Variants in PTPRT observed in about 807,000 individuals in gnomAD.
PTPRT encodes protein tyrosine phosphatase receptor type T.
In PTPRT, 56 loss-of-function variants were observed where a neutral mutation model predicts 176.8. The ratio of observed to expected loss-of-function variants is 0.32; its 90% CI spans 0.26 to 0.40. PTPRT has a LOEUF of 0.40. PTPRT is among the 10% of genes least tolerant of loss of function. PTPRT has a pLI of 1.00. For missense variants in PTPRT, 1,540 were observed against 1,908.2 expected (o/e 0.81, Z 3.60); for synonymous variants, 783 against 739.0 (o/e 1.06, Z -0.96).
rs1207046982 is a variant in PTPRT, at chr20:42,617,465, G to T, written c.1153+60401C>A. Among the ~76,000 whole-genome samples the T allele has an allele frequency of 1.1e-4, 15 of 132,810 alleles. 5 individuals carry two copies. The highest frequency in any genetic ancestry group is 5.2e-4 in the African/African-American group (15 of 28,734). The allele number at this position is 132,810 out of a possible 152,430, so 87.1% of individuals were successfully genotyped here. A position where few individuals can be genotyped will look rare whatever the true frequency, so the allele number is the denominator to read the frequency against. ...GATGCTGGCCTCATAAAATGAGTTA[G>T]GGAGGATTCCCTCTTTTTCTGTTGA... On this transcript the variant is annotated intron_variant, in intron 7 of 30. Coordinates refer to ENST00000373187, the MANE Select transcript of PTPRT (RefSeq NM_007050.6).
chr20:42,511,857 C>G (rs1184116763), intron 7 of PTPRT, among the ~76,000 whole-genome samples: 1 of 152,000 alleles, frequency 6.6e-6, no homozygotes, highest in Admixed American at 6.6e-5. Context: ...CCAATGACAG[C>G]AAAGCACTCC....
intron 15 of PTPRT, among the ~76,000 whole-genome samples, chr20:42,219,986 C>T (rs144399804): frequency 5.7e-4 from 87 of 151,934 alleles, no homozygotes; most frequent in African/African-American, 1.5e-3. Context: ...TTTTGAGTAA[C>T]GAAATTATTT....
At chr20:42,502,590 T>C (rs181446952) in intron 7 of PTPRT, among the ~76,000 whole-genome samples, 3 of 152,222 alleles carry the variant, frequency 2.0e-5, no homozygotes, top group East Asian at 3.9e-4. Context: ...GTTATCCATA[T>C]TGGGTAACTC....
intron 7 of PTPRT, among the ~76,000 whole-genome samples, chr20:42,642,537 C>T (rs1392019637): frequency 6.6e-6 from 1 of 152,142 alleles, no homozygotes; most frequent in African/African-American, 2.4e-5. Context: ...AATGTGCTCA[C>T]TCTGAGCTAA....
chr20:42,616,437 A>G (rs1176445977), intron 7 of PTPRT, among the ~76,000 whole-genome samples: 1 of 124,640 alleles, frequency 8.0e-6, no homozygotes, highest in Non-Finnish European at 1.7e-5. Context: ...TTTTGGTTCC[A>G]TATGAACTTT....
chr20:42,951,642 T>C (rs113507128), intron 1 of PTPRT, among the ~76,000 whole-genome samples: 22 of 151,920 alleles, frequency 1.4e-4, no homozygotes, highest in African/African-American at 4.8e-4. Context: ...GCAATAAGAG[T>C]GGGTGCAGGG....
intron 16 of PTPRT, among the ~76,000 whole-genome samples, chr20:42,181,073 A>T (rs1053939132): frequency 6.6e-6 from 1 of 152,216 alleles, no homozygotes; most frequent in Admixed American, 6.5e-5. Flanking sequence ...AGTCCTTGGC[A>T]CACAGTTAGG....
chr20:43,090,670 T>C (rs527312117), intron 1 of PTPRT, among the ~76,000 whole-genome samples: 2 of 151,992 alleles, frequency 1.3e-5, no homozygotes, highest in South Asian at 2.1e-4. Flanking sequence ...AAAATATCAA[T>C]AGAAAAGCTG....
intron 2 of PTPRT, among the ~76,000 whole-genome samples, chr20:42,866,428 C>T (rs2078747735): frequency 6.6e-6 from 1 of 152,152 alleles, no homozygotes; most frequent in South Asian, 2.1e-4. Flanking sequence ...TTCTTGAGCT[C>T]ACCGATACCT....
chr20:42,871,597 G>T (rs1050399238), intron 2 of PTPRT, among the ~76,000 whole-genome samples: 4 of 151,898 alleles, frequency 2.6e-5, no homozygotes, highest in African/African-American at 9.7e-5. Context: ...TTCTTCTAGG[G>T]GTTTTACAGT....
At position 42,844,432 on chromosome 20, in the gene PTPRT, C is replaced by T. The variant is rs904391712; in HGVS notation, c.214+41375G>A. On this transcript the variant is annotated intron_variant, in intron 2 of 30. Transcript: ENST00000373187. The stretch of plus-strand genomic sequence containing the variant: ...ACATTACCATCAGAATTAAGGGGTC[C>T]TTTCTATGAGAGTCATAGTCCTTGC... Among the ~76,000 whole-genome samples the T allele has an allele frequency of 2.0e-5, 3 of 152,172 alleles. No individual in the cohort carries two copies. The South Asian group carries it at 6.2e-4, about 32-fold the overall frequency.
At chr20:42,258,302 T>C (rs566956223) in intron 13 of PTPRT, among the ~76,000 whole-genome samples, 1 of 152,330 alleles carries the variant, frequency 6.6e-6, no homozygotes, top group South Asian at 2.1e-4. Context: ...GAACATGTCA[T>C]GTGAACCTTG....
intron 10 of PTPRT, among the ~76,000 whole-genome samples, chr20:42,351,685 A>AATTCATTCATTC (rs56938076): frequency 8.6e-5 from 13 of 150,834 alleles, no homozygotes; most frequent in Non-Finnish European, 1.8e-4. Context: ...CTATAATAGT[A>AATTCATTCATTC]ATTCATTCAT....
intron 1 of PTPRT, among the ~76,000 whole-genome samples, chr20:43,061,785 C>T (rs1340334280): frequency 1.3e-5 from 2 of 152,204 alleles, no homozygotes; most frequent in South Asian, 2.1e-4. Flanking sequence ...TTTTCAGACC[C>T]CATTAAATCC....
intron 9 of PTPRT, among the ~76,000 whole-genome samples, chr20:42,371,508 T>C (rs2058586548): frequency 8.8e-6 from 1 of 113,596 alleles, no homozygotes; most frequent in African/African-American, 3.8e-5. Context: ...TGATTAATAT[T>C]TTCCACTCAG....
At chr20:42,453,151 T>A (rs1459282865) in intron 8 of PTPRT, among the ~76,000 whole-genome samples, 1 of 152,224 alleles carries the variant, frequency 6.6e-6, no homozygotes, top group Non-Finnish European at 1.5e-5. Context: ...TCACTACCCA[T>A]GTATTCTTCC....
rs1012427521 is a variant in PTPRT at position 42,088,343 on chromosome 20, C to G, written c.3847-2490G>C. On this transcript the variant is annotated intron_variant, in intron 27 of 30. Transcript: ENST00000373187. ...CTAGATGGACAGAAGTGACCCACCCCCTACAGATGCAGGGTTTTCATCGAA... is the reference window on the plus strand; with the variant it reads ...CTAGATGGACAGAAGTGACCCACCCGCTACAGATGCAGGGTTTTCATCGAA... Among the ~76,000 whole-genome samples, 4 of 152,200 alleles carry G rather than the reference C, an allele frequency of 2.6e-5. No individual in the cohort carries two copies. In the East Asian group the frequency reaches 5.8e-4, roughly 22 times the overall value.
intron 1 of PTPRT, among the ~76,000 whole-genome samples, chr20:43,139,275 AT>A (rs368225918): frequency 1.1e-4 from 17 of 151,632 alleles, no homozygotes; most frequent in African/African-American, 4.1e-4. Context: ...TTAAATCTTG[AT>A]TTTTTTCTGT....
intron 7 of PTPRT, among the ~76,000 whole-genome samples, chr20:42,565,660 G>T (rs1016608331): frequency 6.6e-6 from 1 of 152,156 alleles, no homozygotes; most frequent in Non-Finnish European, 1.5e-5. Flanking sequence ...TGCCATTAAA[G>T]AAATTTATGA....
Sources: allele counts gnomAD v4.1 joint callset (sites outside exome capture counted in the v4.1 genomes callset), GRCh38; gene constraint gnomAD v4.1.1; transcripts MANE v1.5; gene names NCBI Gene and HGNC (gene_info 2026-07-23, HGNC 2026-07-21).